RAB19: variants seen among roughly 807,000 people sequenced by gnomAD.
The protein encoded by RAB19 is ras-related protein Rab-19.
In RAB19, 21 loss-of-function variants were observed where a neutral mutation model predicts 17.3. The ratio of observed to expected loss-of-function variants is 1.21; its 90% CI spans 0.86 to 1.74. The LOEUF is 1.74. RAB19 is among the 40% of genes most tolerant of loss of function. The pLI, the probability that RAB19 is intolerant of heterozygous loss-of-function variation, is 0.00. For missense variants in RAB19, 277 were observed against 286.8 expected (o/e 0.97, Z 0.25); for synonymous variants, 126 against 110.4 (o/e 1.14, Z -0.88).
chr7:140,407,607 C>T lies in RAB19; in HGVS notation c.-23-17C>T. The stretch of plus-strand genomic sequence containing the variant: ...GATCCCCAGTTCCTGGTGCTGAATT[C>T]CATCCTTTCTTCCTAGTTCTGTTCT... On this transcript the variant is annotated splice_polypyrimidine_tract_variant and intron_variant, in intron 1 of 3. Coordinates refer to ENST00000537763, the MANE Select transcript of RAB19 (RefSeq NM_001008749.3). The T allele has an allele frequency of 1.2e-6, 2 of 1,600,138 alleles. No homozygotes were observed. The highest frequency in any genetic ancestry group is 1.7e-4 in the Middle Eastern group (1 of 6,026).
intron 2 of RAB19, chr7:140,410,991 A>G: frequency 7.3e-7 from 1 of 1,367,852 alleles, no homozygotes; most frequent in Non-Finnish European, 9.8e-7. Flanking sequence ...GGCCAGTATT[A>G]TCACCTTTGC....
chr7:140,419,371 G>A lies in RAB19; in HGVS notation c.386-6511G>A, dbSNP rs570148587. ...GGTGTGAGCCACTGTGCCTCGTCTTGTTTTGCTATTGTTTTGTACGTTATA... is the reference window on the plus strand; with the variant it reads ...GGTGTGAGCCACTGTGCCTCGTCTTATTTTGCTATTGTTTTGTACGTTATA... On this transcript the variant is annotated intron_variant, in intron 3 of 3. Transcript: ENST00000537763. Among the ~76,000 whole-genome samples, 7 of 151,972 alleles carry A rather than the reference G, an allele frequency of 4.6e-5. No homozygotes were observed. The East Asian group carries it at 1.2e-3, about 25-fold the overall frequency.
chr7:140,409,759 C>G (rs1002015016), intron 2 of RAB19, among the ~76,000 whole-genome samples: 1 of 151,356 alleles, frequency 6.6e-6, no homozygotes, highest in Non-Finnish European at 1.5e-5. Flanking sequence ...TTTGGGAGGC[C>G]GAGGTGGGTG....
At chr7:140,410,972 G>C (rs778465073) in intron 2 of RAB19, 3 of 1,367,680 alleles carry the variant, frequency 2.2e-6, no homozygotes, top group Non-Finnish European at 2.9e-6. Flanking sequence ...TTTAAAATCA[G>C]AACAGTTCGG....
intron 2 of RAB19, 30 bp downstream of exon 2, chr7:140,407,877 C>A: frequency 3.9e-6 from 4 of 1,020,250 alleles, no homozygotes; most frequent in South Asian, 1.5e-5. Flanking sequence ...GGACTGGTTC[C>A]ACCTTTTTTT....
chr7:140,418,416 A>G (rs1404009294), intron 3 of RAB19, among the ~76,000 whole-genome samples: 2 of 145,162 alleles, frequency 1.4e-5, no homozygotes, highest in African/African-American at 5.0e-5. Flanking sequence ...AAAAAAAAAA[A>G]AAAAAATTAG....
intron 3 of RAB19, among the ~76,000 whole-genome samples, chr7:140,418,858 CAAA>C (rs10649285): frequency 4.4e-5 from 6 of 135,412 alleles, no homozygotes; most frequent in Middle Eastern, 3.9e-3. Flanking sequence ...AACCCTGTCT[CAAA>C]AAAAAAAAAA....
chr7:140,421,959 AATTG>A (rs778162558), intron 3 of RAB19, among the ~76,000 whole-genome samples: 3 of 152,132 alleles, frequency 2.0e-5, no homozygotes, highest in Non-Finnish European at 4.4e-5. Context: ...TTTAAAGTTT[AATTG>A]ATTGATTATT....
rs574345238 is a variant in RAB19 at position 140,412,509 on chromosome 7, T to A, written c.385+452T>A. On this transcript the variant is annotated intron_variant, in intron 3 of 3. Coordinates refer to ENST00000537763, the MANE Select transcript of RAB19 (RefSeq NM_001008749.3). ...CCTCAGAAAGTGCCTTTAAGCTGGA[T>A]GCCACCATGCCCAGCCCATTTTTTT... Among the ~76,000 whole-genome samples the A allele has an allele frequency of 3.3e-4, 50 of 151,158 alleles. No individual in the cohort carries two copies. In the South Asian group the frequency reaches 0.01, roughly 31 times the overall value.
chr7:140,412,190 A>T (rs888290197), intron 3 of RAB19, 133 bp downstream of exon 3: 3 of 939,652 alleles, frequency 3.2e-6, no homozygotes, highest in Non-Finnish European at 4.9e-6. Flanking sequence ...AGTGGCTCAC[A>T]CCTGTAATCC....
chr7:140,419,408 T>C (rs925953909), intron 3 of RAB19, among the ~76,000 whole-genome samples: 1 of 152,186 alleles, frequency 6.6e-6, no homozygotes, highest in South Asian at 2.1e-4. Context: ...ATAAACAAAA[T>C]CATACCTTTT....
At chr7:140,413,135 G>A (rs1204740715) in intron 3 of RAB19, among the ~76,000 whole-genome samples, 2 of 152,054 alleles carry the variant, frequency 1.3e-5, no homozygotes, top group South Asian at 2.1e-4. Flanking sequence ...TTATTGAAGA[G>A]ACTGTCCTTT....
chr7:140,420,420 C>CAA lies in RAB19; in HGVS notation c.386-5444_386-5443dup, dbSNP rs560889183. ...TGGGCAACAGAGTGAGACTCCATAT[C>CAA]AAAAAAAAAAAAAAAAAAAGAAGAA... On this transcript the variant is annotated intron_variant, in intron 3 of 3. Coordinates refer to ENST00000537763, the MANE Select transcript of RAB19 (RefSeq NM_001008749.3). Among the ~76,000 whole-genome samples the CAA allele has an allele frequency of 3.0e-3, 261 of 87,210 alleles. 3 individuals are homozygous for CAA. The highest frequency in any genetic ancestry group is 7.6e-3 in the East Asian group (25 of 3,276). The allele number at this position is 87,210 out of a possible 152,430, so 57.2% of individuals were successfully genotyped here.
Position 140,426,246 on chromosome 7 carries a change from C to T in RAB19, c.*96C>T. On this transcript the variant is annotated 3_prime_UTR_variant, in exon 4 of 4. Transcript: ENST00000537763. ...GTGTTGCCCCAGTGGCGCTTTAGAC[C>T]CCAGCGTGGACTTGCCGCTCACCCC... The T allele has an allele frequency of 7.0e-7, 1 of 1,435,914 alleles. No individual in the cohort carries two copies. Among genetic ancestry groups the T allele is most frequent in the Non-Finnish European group, 9.3e-7 (1 of 1,069,994 alleles). The allele number at this position is 1,435,914 out of a possible 1,614,324, so 88.9% of individuals were successfully genotyped here.
In RAB19 at chr7:140,427,687, T is replaced by C. The variant is rs1041218678; in HGVS notation, c.*1537T>C. Among the ~76,000 whole-genome samples, 1 of 151,806 alleles carries C rather than the reference T, an allele frequency of 6.6e-6. No homozygotes were observed. The highest frequency in any genetic ancestry group is 6.6e-5 in the Admixed American group (1 of 15,214). Reference sequence around the variant, plus strand: ...GGCTGGTCTCGAACTCCTGACCTCATGATCCACCTGTCTCGTGGCCTCCCA... The same window carrying C: ...GGCTGGTCTCGAACTCCTGACCTCACGATCCACCTGTCTCGTGGCCTCCCA... On this transcript the variant is annotated 3_prime_UTR_variant, in exon 4 of 4. Coordinates refer to ENST00000537763, the MANE Select transcript of RAB19 (RefSeq NM_001008749.3).
At chr7:140,418,804 A>G (rs1028015516) in intron 3 of RAB19, among the ~76,000 whole-genome samples, 2 of 149,718 alleles carry the variant, frequency 1.3e-5, no homozygotes, top group Non-Finnish European at 3.0e-5. Flanking sequence ...GTCTGCAGTG[A>G]GCTGTGATCA....
chr7:140,404,811 G>A (rs1451599420), intron 1 of RAB19, among the ~76,000 whole-genome samples: 1 of 152,170 alleles, frequency 6.6e-6, no homozygotes, highest in Non-Finnish European at 1.5e-5. Context: ...AGTTAAAGAG[G>A]ATGGGGATAT....
At chr7:140,416,180 T>TAAAAATACAAAAAAAAAAAAAAATC (rs1799454760) in intron 3 of RAB19, among the ~76,000 whole-genome samples, 1 of 151,966 alleles carries the variant, frequency 6.6e-6, no homozygotes. Context: ...CCGTCTCTAC[T>TAAAAATACAAAAAAAAAAAAAAATC]AGCTGGGCTT....
chr7:140,419,554 G>A (rs1333610251), intron 3 of RAB19, among the ~76,000 whole-genome samples: 1 of 151,998 alleles, frequency 6.6e-6, no homozygotes, highest in Non-Finnish European at 1.5e-5. Context: ...TGTTCTCTTG[G>A]CAATGGACAT....
Sources: allele counts gnomAD v4.1 joint callset (sites outside exome capture counted in the v4.1 genomes callset), GRCh38; gene constraint gnomAD v4.1.1; transcripts MANE v1.5; gene names NCBI Gene and HGNC (gene_info 2026-07-23, HGNC 2026-07-21).